Variants in CRISPLD1 observed in about 807,000 individuals in gnomAD.
CRISPLD1 encodes cysteine rich secretory protein LCCL domain containing 1.
In CRISPLD1, 60 loss-of-function variants were observed where a neutral mutation model predicts 77.5. The ratio of observed to expected loss-of-function variants is 0.77; its 90% confidence interval spans 0.63 to 0.96. The LOEUF is 0.96. Among genes scored for constraint, CRISPLD1 ranks in the 40% least tolerant of loss-of-function variants. The pLI is 0.00. For missense variants in CRISPLD1, 623 were observed against 615.8 expected, an observed-to-expected ratio of 1.01 and a Z score of -0.12; for synonymous variants, 195 against 200.1, an observed-to-expected ratio of 0.97 and a Z score of 0.22.
chr8:74,999,083 C>T (rs1812692082), intron 2 of CRISPLD1, among the ~76,000 whole-genome samples: 1 of 151,910 alleles, frequency 6.6e-6, no homozygotes, highest in South Asian at 2.1e-4. Flanking sequence ...ACTGTTGACC[C>T]AAATATGTAA....
chr8:75,029,321 A>AAG (rs1365322183), intron 13 of CRISPLD1, 66 bp from the exon 14 acceptor site: 2 of 1,515,140 alleles, frequency 1.3e-6, no homozygotes, highest in African/African-American at 2.8e-5. Context: ...TTAATAATAG[A>AAG]AGAATAGGCT....
At chr8:74,996,095 A>G (rs910357807) in intron 2 of CRISPLD1, among the ~76,000 whole-genome samples, 6 of 151,104 alleles carry the variant, frequency 4.0e-5, no homozygotes, top group African/African-American at 1.2e-4. Context: ...ATGCACATAC[A>G]TCATGGATGT....
chr8:75,029,151 G>C (rs12114948), intron 13 of CRISPLD1, among the ~76,000 whole-genome samples: 3,788 of 152,232 alleles, frequency 0.025, 142 homozygotes, highest in African/African-American at 0.084. Context: ...AGATTGGGGA[G>C]GGGTCTTACC....
chr8:75,015,203 G>A (rs1313491993), intron 6 of CRISPLD1, among the ~76,000 whole-genome samples: 1 of 152,086 alleles, frequency 6.6e-6, no homozygotes, highest in Non-Finnish European at 1.5e-5. Flanking sequence ...TCATCTTGAT[G>A]TATGGTTGAC....
chr8:75,018,375 T>C (rs1242845115), intron 10 of CRISPLD1, among the ~76,000 whole-genome samples: 5 of 151,780 alleles, frequency 3.3e-5, no homozygotes, highest in Non-Finnish European at 7.4e-5. Flanking sequence ...CACTGCAACC[T>C]CCACCTTCTG....
chr8:75,031,565 C>CTG lies in CRISPLD1; in HGVS notation c.1452-625_1452-624insGT, dbSNP rs1491389793. 7.7e-3 allele frequency among the ~76,000 whole-genome samples: 677 copies of CTG among 87,548 alleles called. 4 individuals carry two copies. The highest frequency in any genetic ancestry group is 0.04 in the African/African-American group (641 of 16,148). 57.4% of individuals were successfully genotyped at this position (87,548 alleles called of 152,430 possible). On this transcript the variant is annotated intron_variant, in intron 14 of 14. Coordinates refer to ENST00000262207, the MANE Select transcript of CRISPLD1 (RefSeq NM_031461.6). ...AGTACTTTCAAAATGAGATTGAATG[C>CTG]TCTGTGTGTGTGTGTGTGTGTGTGT...
intron 14 of CRISPLD1, 81 bp downstream of exon 14, chr8:75,029,598 G>GCA: frequency 7.0e-7 from 1 of 1,428,038 alleles, no homozygotes; most frequent in Non-Finnish European, 9.6e-7. Context: ...TGACCCACTT[G>GCA]AATATTTTTA....
intron 12 of CRISPLD1, among the ~76,000 whole-genome samples, chr8:75,021,591 G>A (rs867978115): frequency 1.3e-5 from 2 of 152,042 alleles, no homozygotes; most frequent in Non-Finnish European, 2.9e-5. Flanking sequence ...GAATATTTTT[G>A]TGATAAAAAT....
At chr8:74,989,109 TAGAGGA>T (rs1812536298) in intron 2 of CRISPLD1, among the ~76,000 whole-genome samples, 1 of 151,924 alleles carries the variant, frequency 6.6e-6, no homozygotes, top group Non-Finnish European at 1.5e-5. Flanking sequence ...ATACATCAAT[TAGAGGA>T]AGAGGAAGAG....
rs772009733 is a variant in CRISPLD1 at position 74,986,048 on chromosome 8, A to G, written c.61A>G (p.Ile21Val). The G allele has an allele frequency of 3.7e-6, 6 of 1,614,120 alleles. No individual in the cohort carries two copies. Among genetic ancestry groups the G allele is most frequent in the South Asian group, 1.1e-5 (1 of 91,078 alleles). Residue 21 changes from isoleucine to valine, a missense_variant, in exon 2 of 15, where the codon ATT (isoleucine) becomes GTT (valine). Ile to Val is a conservative substitution (Grantham distance 29). Transcript: ENST00000262207. The stretch of plus-strand genomic sequence containing the variant: ...CACAGTGCTGTTCATGGCTAGAGCA[A>G]TTCCAGCCATGGTGGTTCCCAATGC... ...VTTVLFMARA[I>V]PAMVVPNATL...
chr8:75,024,744 G>C (rs897409898), intron 12 of CRISPLD1, among the ~76,000 whole-genome samples: 1 of 152,150 alleles, frequency 6.6e-6, no homozygotes, highest in Non-Finnish European at 1.5e-5. Flanking sequence ...GTAGATGATA[G>C]AGCCCAGAGT....
chr8:75,030,403 C>T (rs1301194491), intron 14 of CRISPLD1, among the ~76,000 whole-genome samples: 37 of 151,830 alleles, frequency 2.4e-4, no homozygotes, highest in Admixed American at 2.4e-3. Flanking sequence ...CTCATGGCCT[C>T]CTTAAACAGA....
intron 14 of CRISPLD1, among the ~76,000 whole-genome samples, 186 bp from the exon 15 acceptor site, chr8:75,032,005 G>T (rs1432265440): frequency 6.6e-6 from 1 of 151,914 alleles, no homozygotes; most frequent in Non-Finnish European, 1.5e-5. Context: ...ATAGAACCAA[G>T]AGTTAAGAGT....
At chr8:74,988,886 TC>T (rs1812532924) in intron 2 of CRISPLD1, among the ~76,000 whole-genome samples, 1 of 152,178 alleles carries the variant, frequency 6.6e-6, no homozygotes, top group Non-Finnish European at 1.5e-5. Context: ...TTTAAAGAGC[TC>T]ATTGGCGTTG....
chr8:75,024,329 GTT>G (rs869143755), intron 12 of CRISPLD1, among the ~76,000 whole-genome samples: 6 of 136,272 alleles, frequency 4.4e-5, no homozygotes, highest in African/African-American at 1.8e-4. Flanking sequence ...TGTTGTTGTT[GTT>G]TTGTTTTGTT....
At chr8:75,011,936 A>G (rs747829236) in intron 2 of CRISPLD1, among the ~76,000 whole-genome samples, 3 of 152,188 alleles carry the variant, frequency 2.0e-5, no homozygotes, top group Admixed American at 6.6e-5. Context: ...CTAAAGGGAT[A>G]GCTTACATCT....
intron 2 of CRISPLD1, among the ~76,000 whole-genome samples, chr8:74,994,309 G>A (rs1812616343): frequency 6.6e-6 from 1 of 152,204 alleles, no homozygotes; most frequent in Non-Finnish European, 1.5e-5. Context: ...AGGAGGCCTT[G>A]TTGCAAGATG....
At chr8:74,985,892 AT>A in intron 1 of CRISPLD1, 33 bp from the exon 2 acceptor site, 1 of 1,370,876 alleles carries the variant, frequency 7.3e-7, no homozygotes, top group Non-Finnish European at 9.9e-7. Flanking sequence ...ATCTGCTGGA[AT>A]TTTCATCTTA....
chr8:75,030,249 G>T (rs1356354360), intron 14 of CRISPLD1, among the ~76,000 whole-genome samples: 1 of 152,076 alleles, frequency 6.6e-6, no homozygotes, highest in Admixed American at 6.6e-5. Context: ...GTACACCAAA[G>T]GATGTGTCAT....
Sources: allele counts gnomAD v4.1 joint callset (sites outside exome capture counted in the v4.1 genomes callset), GRCh38; gene constraint gnomAD v4.1.1; transcripts MANE v1.5; gene names NCBI Gene and HGNC (gene_info 2026-07-23, HGNC 2026-07-21).